AP1S3: variants seen among roughly 807,000 people sequenced by gnomAD.
The protein encoded by AP1S3 is adaptor related protein complex 1 subunit sigma 3, also known as AP-1 complex subunit sigma-3.
Under a neutral mutation model 20.9 loss-of-function variants are expected in AP1S3, and 10 were observed. The ratio of observed to expected loss-of-function variants is 0.48; its 90% CI spans 0.29 to 0.81. The LOEUF (loss-of-function observed/expected upper bound fraction) is 0.81. Among genes scored for constraint, AP1S3 ranks in the 30% least tolerant of loss-of-function variants. The probability of loss-of-function intolerance (pLI) is 0.08; values close to 1 mark genes in which losing one functional copy is unlikely to be tolerated. For missense variants in AP1S3, 154 were observed against 183.8 expected (o/e 0.84, Z 0.94); for synonymous variants, 41 against 61.5 (o/e 0.67, Z 1.56).
At chr2:223,832,445 G>T (rs1176054581) in intron 1 of AP1S3, among the ~76,000 whole-genome samples, 1 of 152,088 alleles carries the variant, frequency 6.6e-6, no homozygotes, top group Non-Finnish European at 1.5e-5. Context: ...GTTTTTGGGA[G>T]ACCTGTGGGA....
chr2:223,795,256 TA>T (rs1257739996), intron 1 of AP1S3, among the ~76,000 whole-genome samples: 1 of 151,620 alleles, frequency 6.6e-6, no homozygotes. Context: ...TCTCAAAAAT[TA>T]AAAAAAAATT....
chr2:223,831,696 G>T (rs549529623), intron 1 of AP1S3, among the ~76,000 whole-genome samples: 1 of 152,312 alleles, frequency 6.6e-6, no homozygotes, highest in African/African-American at 2.4e-5. Context: ...CAGAACCACA[G>T]TGAAGTTTCA....
chr2:223,805,843 T>C (rs1691566891), intron 1 of AP1S3, among the ~76,000 whole-genome samples: 1 of 152,204 alleles, frequency 6.6e-6, no homozygotes. Flanking sequence ...TTACAAATAA[T>C]TATTATTCTG....
In AP1S3 at chr2:223,756,821, G is replaced by T. The variant is rs1690233316; in HGVS notation, c.*1894C>A. 2.0e-6 allele frequency: 2 copies of T among 985,106 alleles called. No individual in the cohort carries two copies. The highest frequency in any genetic ancestry group is 9.4e-5 in the South Asian group (2 of 21,286). The allele number at this position is 985,106 out of a possible 1,614,324, so 61.0% of individuals were successfully genotyped here. On this transcript the variant is annotated 3_prime_UTR_variant, in exon 5 of 5. Transcript: ENST00000396654. ...AGTTCTCTAAAAATCTACCAGATGGGATCTCCTAAAGAATCCAACAGGAAA... is the reference window on the plus strand; with the variant it reads ...AGTTCTCTAAAAATCTACCAGATGGTATCTCCTAAAGAATCCAACAGGAAA...
At chr2:223,762,102 A>T (rs2098367134) in intron 4 of AP1S3, among the ~76,000 whole-genome samples, 1 of 151,344 alleles carries the variant, frequency 6.6e-6, no homozygotes, top group Non-Finnish European at 1.5e-5. Flanking sequence ...CCTCCTGAGT[A>T]GCTGGGATTA....
At chr2:223,775,392 G>GA (rs1206997658) in intron 3 of AP1S3, among the ~76,000 whole-genome samples, 5 of 152,178 alleles carry the variant, frequency 3.3e-5, no homozygotes, top group Non-Finnish European at 7.4e-5. Context: ...AAAAGCCAGA[G>GA]AAAGGATAAA....
At chr2:223,780,398 T>G (rs1379909602) in intron 1 of AP1S3, among the ~76,000 whole-genome samples, 12 of 43,326 alleles carry the variant, frequency 2.8e-4, no homozygotes, top group Non-Finnish European at 4.3e-4. Flanking sequence ...GTGTGTGTGT[T>G]TTGTAGAGAC....
At position 223,829,337 on chromosome 2, in the gene AP1S3, AC is replaced by A. The variant is rs1692206420; in HGVS notation, c.3+8110del. 3.3e-5 allele frequency among the ~76,000 whole-genome samples: 5 copies of A among 152,166 alleles called. No individual in the cohort carries two copies. The South Asian group carries it at 8.3e-4, about 25-fold the overall frequency. On this transcript the variant is annotated intron_variant, in intron 1 of 4. Coordinates refer to ENST00000396654, the MANE Select transcript of AP1S3 (RefSeq NM_001039569.2). ...GTTGTAAATAAAGTTTTATTAAAAC[AC>A]AGCTCCAGCCAGGCACAGTGGCTCA...
intron 3 of AP1S3, among the ~76,000 whole-genome samples, chr2:223,769,736 ATTTTTTTTTTT>A (rs61207667): frequency 1.2e-5 from 1 of 80,122 alleles, no homozygotes; most frequent in Non-Finnish European, 2.2e-5. Context: ...ATGCAATCCC[ATTTTTTTTTTT>A]TTTTTTTTTT....
At chr2:223,824,195 G>T (rs1430232392) in intron 1 of AP1S3, among the ~76,000 whole-genome samples, 1 of 151,902 alleles carries the variant, frequency 6.6e-6, no homozygotes, top group Non-Finnish European at 1.5e-5. Flanking sequence ...TAAAGATGGG[G>T]TTTTGCCATA....
chr2:223,791,284 A>C (rs1056122678), intron 1 of AP1S3, among the ~76,000 whole-genome samples: 2 of 152,204 alleles, frequency 1.3e-5, no homozygotes, highest in African/African-American at 4.8e-5. Context: ...AAAATCCTTA[A>C]CAAAATACTG....
chr2:223,795,638 T>C (rs763897303), intron 1 of AP1S3, among the ~76,000 whole-genome samples: 1 of 152,196 alleles, frequency 6.6e-6, no homozygotes, highest in Non-Finnish European at 1.5e-5. Context: ...GATTGTTAAG[T>C]GGGAAAACTT....
rs1474567764 is a variant in AP1S3 at position 223,757,602 on chromosome 2, C to T, written c.*1113G>A. On this transcript the variant is annotated 3_prime_UTR_variant, in exon 5 of 5. Coordinates refer to ENST00000396654, the MANE Select transcript of AP1S3 (RefSeq NM_001039569.2). ...CACTCCCGGCCTACAAGCTATTTCC[C>T]TGTAATATGTCTGATCACTGTTAGG... The T allele has an allele frequency of 1.0e-6, 1 of 985,204 alleles. No individual in the cohort carries two copies. The highest frequency in any genetic ancestry group is 1.7e-5 in the African/African-American group (1 of 57,222). The allele number at this position is 985,204 out of a possible 1,614,324, so 61.0% of individuals were successfully genotyped here.
intron 1 of AP1S3, among the ~76,000 whole-genome samples, chr2:223,782,330 T>C (rs1383159949): frequency 6.6e-6 from 1 of 152,200 alleles, no homozygotes; most frequent in Non-Finnish European, 1.5e-5. Flanking sequence ...AGTCTTCTTT[T>C]AGCCTTTTCC....
At chr2:223,772,063 C>T (rs768904727) in intron 3 of AP1S3, among the ~76,000 whole-genome samples, 1 of 152,170 alleles carries the variant, frequency 6.6e-6, no homozygotes, top group East Asian at 1.9e-4. Flanking sequence ...GCCGAGACCG[C>T]GCCACTGCAT....
At chr2:223,833,664 T>C (rs1188962474) in intron 1 of AP1S3, among the ~76,000 whole-genome samples, 4 of 152,178 alleles carry the variant, frequency 2.6e-5, no homozygotes, top group African/African-American at 9.6e-5. Flanking sequence ...GACAGGGAGT[T>C]ACACAGTGAG....
chr2:223,829,525 C>T (rs936567898), intron 1 of AP1S3, among the ~76,000 whole-genome samples: 4 of 151,956 alleles, frequency 2.6e-5, no homozygotes, highest in South Asian at 2.1e-4. Flanking sequence ...GTCGGGAGTT[C>T]GAGACCAGTC....
chr2:223,766,413 G>A (rs562486792), intron 3 of AP1S3, among the ~76,000 whole-genome samples: 1 of 152,246 alleles, frequency 6.6e-6, no homozygotes, highest in South Asian at 2.1e-4. Flanking sequence ...CTTTTGCTGT[G>A]CAGAAGCTCT....
chr2:223,811,346 T>C (rs1691721448), intron 1 of AP1S3, among the ~76,000 whole-genome samples: 1 of 152,058 alleles, frequency 6.6e-6, no homozygotes, highest in South Asian at 2.1e-4. Context: ...GGTGGGCAGA[T>C]CACCTGAGTT....
Sources: gnomAD v4.1 joint callset for allele counts (sites outside exome capture counted in the v4.1 genomes callset) on GRCh38, gnomAD v4.1.1 for gene constraint, MANE v1.5 for transcripts, NCBI Gene and HGNC (gene_info 2026-07-23, HGNC 2026-07-21) for gene names.